NUDT4: variants seen among roughly 807,000 people sequenced by gnomAD.
NUDT4 encodes nudix hydrolase 4, also known as diphosphoinositol polyphosphate phosphohydrolase 2.
A neutral mutation model predicts 23.1 loss-of-function variants in NUDT4; 5 were observed. That is an observed-to-expected ratio of 0.22 (90% CI 0.11 to 0.46). The LOEUF (loss-of-function observed/expected upper bound fraction) is 0.46. Ranked by LOEUF, NUDT4 falls within the 20% of genes least tolerant of loss-of-function variation. The pLI is 0.99. For missense variants in NUDT4, 96 were observed against 211.6 expected (o/e 0.45, Z 3.39); for synonymous variants, 50 against 79.0 (o/e 0.63, Z 1.95).
At chr12:93,387,967 C>T (rs1315505747) in intron 1 of NUDT4, among the ~76,000 whole-genome samples, 2 of 152,070 alleles carry the variant, frequency 1.3e-5, no homozygotes, top group African/African-American at 4.8e-5. Context: ...CCACCACCAC[C>T]CCCCCAGATG....
rs754062713 is a variant in NUDT4 at position 93,398,811 on chromosome 12, C to T, written c.296C>T (p.Thr99Ile). The T allele has an allele frequency of 1.9e-6, 3 of 1,606,306 alleles. No individual in the cohort carries two copies. In the South Asian group the frequency reaches 3.3e-5, roughly 18 times the overall value. ...CACAGAACATATGTTTATGTTCTAA[C>T]AGTCACTGAAATATTAGAAGATTGG... ...RKHRTYVYVL[T>I]VTEILEDWED... Residue 99 changes from threonine (T) to isoleucine (I), a missense_variant, in exon 4 of 5, where the codon ACA (threonine) becomes ATA (isoleucine). Thr to Ile is a moderately conservative substitution (Grantham distance 89). Transcript: ENST00000415493.
At chr12:93,398,353 A>AG (rs1387143765) in intron 3 of NUDT4, among the ~76,000 whole-genome samples, 1 of 150,228 alleles carries the variant, frequency 6.7e-6, no homozygotes, top group Admixed American at 6.6e-5. Flanking sequence ...AAAAAAAAAA[A>AG]AAAAAAGAAA....
chr12:93,379,582 A>T (rs1272001240), intron 1 of NUDT4, among the ~76,000 whole-genome samples: 1 of 151,028 alleles, frequency 6.6e-6, no homozygotes, highest in Non-Finnish European at 1.5e-5. Context: ...TTTTGCCTTT[A>T]TTTTTTTTTG....
intron 1 of NUDT4, chr12:93,385,308 C>A (rs1179478080): frequency 1.3e-5 from 2 of 152,318 alleles, no homozygotes; most frequent in Non-Finnish European, 2.9e-5. Context: ...ACACTAATAG[C>A]GTTGGCTTTG....
rs73216891 is a variant in NUDT4, at chr12:93,407,500, G to C, written c.*8121G>C. 1 of 152,214 alleles carries C rather than the reference G, an allele frequency of 6.6e-6. No individual in the cohort carries two copies. Among genetic ancestry groups the C allele is most frequent in the East Asian group, 1.9e-4 (1 of 5,204 alleles). 9.4% of individuals were successfully genotyped at this position (152,214 alleles called of 1,614,324 possible). On this transcript the variant is annotated 3_prime_UTR_variant, in exon 5 of 5. Transcript: ENST00000415493. The stretch of plus-strand genomic sequence containing the variant: ...GGGGGAAGGACTAGCAGGTGTGCTC[G>C]GAGGGGACTCTAGCCAACTGGAGAG...
At position 93,405,328 on chromosome 12, in the gene NUDT4, T is replaced by C. The variant is rs1877742735; in HGVS notation, c.*5949T>C. The C allele has an allele frequency of 6.6e-6, 1 of 152,080 alleles. No homozygotes were observed. The highest frequency in any genetic ancestry group is 2.1e-4 in the South Asian group (1 of 4,824). The allele number at this position is 152,080 out of a possible 1,614,324, so 9.4% of individuals were successfully genotyped here. On this transcript the variant is annotated 3_prime_UTR_variant, in exon 5 of 5. Transcript: ENST00000415493. The stretch of plus-strand genomic sequence containing the variant: ...TATGGTAAGATGGATCAGGAGTCTT[T>C]AAAAATAAAACTGAGAAAGAAAAAT...
intron 1 of NUDT4, among the ~76,000 whole-genome samples, chr12:93,381,716 G>C (rs576991053): frequency 6.6e-6 from 1 of 152,290 alleles, no homozygotes; most frequent in African/African-American, 2.4e-5. Flanking sequence ...GGATAGCATA[G>C]AATCAGTAAT....
chr12:93,398,793 C>T lies in NUDT4; in HGVS notation c.278C>T (p.Thr93Ile), dbSNP rs1203842735. 1.2e-6 allele frequency: 2 copies of T among 1,605,950 alleles called. No homozygotes were observed. Among genetic ancestry groups the T allele is most frequent in the Non-Finnish European group, 1.7e-6 (2 of 1,173,782 alleles). ...IFENQDRKHRTYVYVLTVTEI... is the reference protein window; with the variant it reads ...IFENQDRKHRIYVYVLTVTEI... The stretch of plus-strand genomic sequence containing the variant: ...CAGAACCAAGACCGAAAGCACAGAA[C>T]ATATGTTTATGTTCTAACAGTCACT... The change falls in exon 4 of 5, where the codon ACA becomes ATA. Residue 93 changes from threonine (T) to isoleucine (I), a missense_variant. Thr to Ile is a moderately conservative substitution (Grantham distance 89). Transcript: ENST00000415493.
chr12:93,386,939 A>T (rs962903349), intron 1 of NUDT4, among the ~76,000 whole-genome samples: 16 of 151,422 alleles, frequency 1.1e-4, no homozygotes, highest in African/African-American at 3.6e-4. Flanking sequence ...ATTTTTTTTT[A>T]TTATTATTAT....
In NUDT4 at chr12:93,387,836, TTC is replaced by T. The variant is rs139632762; in HGVS notation, c.100-6767_100-6766del. Among the ~76,000 whole-genome samples, 1,176 of 152,242 alleles carry T rather than the reference TTC, an allele frequency of 7.7e-3. 14 individuals carry two copies. Among genetic ancestry groups the T allele is most frequent in the African/African-American group, 0.027 (1,104 of 41,522 alleles). On this transcript the variant is annotated intron_variant, in intron 1 of 4. Transcript: ENST00000415493. ...AGGCAGGGGACTGTTTTAATTGTCCTTCTCTCTACTAATGCTGTTCATATTTT... is the reference window on the plus strand; with the variant it reads ...AGGCAGGGGACTGTTTTAATTGTCCTTCTCTACTAATGCTGTTCATATTTT...
At chr12:93,387,817 G>A (rs1232853271) in intron 1 of NUDT4, among the ~76,000 whole-genome samples, 1 of 151,990 alleles carries the variant, frequency 6.6e-6, no homozygotes, top group East Asian at 1.9e-4. Context: ...GGGCAGGCAG[G>A]GGACTGTTTT....
Position 93,397,553 on chromosome 12 carries a change from G to T in NUDT4, c.256-1218G>T, listed in dbSNP as rs75864328. Reference sequence around the variant, plus strand: ...TTTATGTTTTTTTTTTTTAGATGGGGTATCATTCTGTCATCCAGGCTTTAG... The same window carrying T: ...TTTATGTTTTTTTTTTTTAGATGGGTTATCATTCTGTCATCCAGGCTTTAG... On this transcript the variant is annotated intron_variant, in intron 3 of 4. Coordinates refer to ENST00000415493, the MANE Select transcript of NUDT4 (RefSeq NM_019094.6). Among the ~76,000 whole-genome samples, 910 of 151,804 alleles carry T rather than the reference G, an allele frequency of 6.0e-3. 32 individuals carry two copies. The East Asian group carries it at 0.09, about 15-fold the overall frequency.
At chr12:93,395,361 TAGTG>T (rs1170563114) in intron 2 of NUDT4, 124 bp from the exon 3 acceptor site, 10 of 698,080 alleles carry the variant, frequency 1.4e-5, no homozygotes, top group Non-Finnish European at 2.6e-5. Context: ...AGCAGGAAGA[TAGTG>T]AGTTGGTATG....
chr12:93,390,855 TG>T (rs1450661665), intron 1 of NUDT4, among the ~76,000 whole-genome samples: 1 of 152,116 alleles, frequency 6.6e-6, no homozygotes, highest in Non-Finnish European at 1.5e-5. Flanking sequence ...CCCAAAGTGC[TG>T]GGATGGGATT....
chr12:93,393,141 C>T (rs567295848), intron 1 of NUDT4, among the ~76,000 whole-genome samples: 3 of 130,690 alleles, frequency 2.3e-5, no homozygotes, highest in Middle Eastern at 5.4e-3. Flanking sequence ...GTTGCCCAGG[C>T]TGGAGTGCAG....
At position 93,407,266 on chromosome 12, in the gene NUDT4, T is replaced by C. The variant is rs1303657295; in HGVS notation, c.*7887T>C. ...TGTTCATCTGGCCTGAATCCAAAAG[T>C]CTGTCCAAGTTACTTCTCTTTTCCA... On this transcript the variant is annotated 3_prime_UTR_variant, in exon 5 of 5. Transcript: ENST00000415493. The C allele has an allele frequency of 1.3e-5, 2 of 152,344 alleles. No homozygotes were observed. Among genetic ancestry groups the C allele is most frequent in the African/African-American group, 4.8e-5 (2 of 41,452 alleles). 9.4% of individuals were successfully genotyped at this position (152,344 alleles called of 1,614,324 possible).
rs1252536720 is a variant in NUDT4 at position 93,402,489 on chromosome 12, C to T, written c.*3110C>T. 1.3e-5 allele frequency: 2 copies of T among 152,158 alleles called. No individual in the cohort carries two copies. Among genetic ancestry groups the T allele is most frequent in the Non-Finnish European group, 2.9e-5 (2 of 68,040 alleles). 9.4% of individuals were successfully genotyped at this position (152,158 alleles called of 1,614,324 possible). On this transcript the variant is annotated 3_prime_UTR_variant, in exon 5 of 5. Transcript: ENST00000415493. Reference sequence around the variant, plus strand: ...ATTCCCCCTCCAAGTGAAAGCCTGTCGGGAATTCCACAGTAACACCTTTAC... The same window carrying T: ...ATTCCCCCTCCAAGTGAAAGCCTGTTGGGAATTCCACAGTAACACCTTTAC...
At chr12:93,384,360 C>T (rs1875911413) in intron 1 of NUDT4, among the ~76,000 whole-genome samples, 3 of 151,852 alleles carry the variant, frequency 2.0e-5, no homozygotes, top group East Asian at 1.9e-4. Flanking sequence ...GTAGAGACGG[C>T]GTTTCACTAT....
rs779316639 is a variant in NUDT4, at chr12:93,398,815, C to T, written c.300C>T (p.Val100=). The T allele has an allele frequency of 6.2e-7, 1 of 1,604,902 alleles. No homozygotes were observed. The highest frequency in any genetic ancestry group is 8.5e-7 in the Non-Finnish European group (1 of 1,172,684). Residue 100 remains valine (V), a synonymous_variant, in exon 4 of 5, where the codon GTC becomes GTT. Transcript: ENST00000415493. The stretch of plus-strand genomic sequence containing the variant: ...GAACATATGTTTATGTTCTAACAGT[C>T]ACTGAAATATTAGAAGATTGGGAAG... ...KHRTYVYVLT[V]TEILEDWEDS... is the part of the protein sequence containing the mutation.
Sources: gnomAD v4.1 joint callset for allele counts (sites outside exome capture counted in the v4.1 genomes callset) on GRCh38, gnomAD v4.1.1 for gene constraint, MANE v1.5 for transcripts, NCBI Gene and HGNC (gene_info 2026-07-23, HGNC 2026-07-21) for gene names.